Variants in SLC39A8 observed in about 807,000 individuals in gnomAD.
SLC39A8 encodes metal cation symporter ZIP8.
Under a neutral mutation model 40.4 loss-of-function variants are expected in SLC39A8, and 15 were observed. The ratio of observed to expected loss-of-function variants is 0.37; its 90% confidence interval spans 0.25 to 0.57. The LOEUF (loss-of-function observed/expected upper bound fraction) is 0.57, where lower values mean the gene tolerates loss of function less well. Among genes scored for constraint, SLC39A8 ranks in the 20% least tolerant of loss-of-function variants. The pLI is 0.75. For synonymous variants in SLC39A8, 223 were observed against 221.6 expected (o/e 1.01, Z -0.06); for missense variants, 472 against 558.8 (o/e 0.84, Z 1.57).
In SLC39A8 at chr4:102,305,111, C is replaced by T; in HGVS notation, c.553G>A (p.Ala185Thr). 6.2e-7 allele frequency: 1 copy of T among 1,601,124 alleles called. No homozygotes were observed. Reference protein sequence around the residue: ...SNAIFQLIPEAFGFDPKVDSY... With the variant: ...SNAIFQLIPETFGFDPKVDSY... The stretch of plus-strand genomic sequence containing the variant: ...TCGACTTTGGGATCAAATCCAAATG[C>T]CTAAGGGAGAAAAAAGGGCAATTCA... Residue 185 changes from alanine to threonine, a missense_variant and splice_region_variant, in exon 5 of 9, where the codon GCA becomes ACA. Transcript: ENST00000356736.
intron 6 of SLC39A8, among the ~76,000 whole-genome samples, chr4:102,293,959 G>T: frequency 6.6e-6 from 1 of 150,880 alleles, no homozygotes; most frequent in East Asian, 1.9e-4. Context: ...CCAAAATACA[G>T]ATACATTAAT....
intron 8 of SLC39A8, 35 bp downstream of exon 8, chr4:102,267,455 A>T: frequency 1.3e-6 from 2 of 1,544,172 alleles, no homozygotes; most frequent in Non-Finnish European, 1.7e-6. Context: ...TCCAAATTTT[A>T]AATTAAAAGA....
intron 6 of SLC39A8, among the ~76,000 whole-genome samples, chr4:102,276,451 C>G (rs186149666): frequency 2.0e-5 from 3 of 151,902 alleles, no homozygotes; most frequent in Non-Finnish European, 4.4e-5. Context: ...AAGTCGAAAC[C>G]CTGAAAAGGC....
At chr4:102,266,539 T>C (rs937711854) in intron 8 of SLC39A8, among the ~76,000 whole-genome samples, 1 of 152,140 alleles carries the variant, frequency 6.6e-6, no homozygotes, top group Admixed American at 6.6e-5. Context: ...TACCATATTA[T>C]CATTTTATAG....
chr4:102,295,059 C>T (rs184609686), intron 6 of SLC39A8, among the ~76,000 whole-genome samples: 1 of 150,068 alleles, frequency 6.7e-6, no homozygotes, highest in Admixed American at 6.7e-5. Flanking sequence ...TGTGCATACT[C>T]CATGACCCAT....
Position 102,263,130 on chromosome 4 carries a change from A to G in SLC39A8, c.1297T>C (p.Phe433Leu). 6.2e-7 allele frequency: 1 copy of G among 1,613,872 alleles called. No individual in the cohort carries two copies. The highest frequency in any genetic ancestry group is 8.5e-7 in the Non-Finnish European group (1 of 1,179,802). Residue 433 changes from phenylalanine (F) to leucine (L), a missense_variant, in exon 9 of 9, where the codon TTC becomes CTC. By Grantham distance (22) the Phe-to-Leu change is conservative. This residue lies in a region of SLC39A8 where 50 missense variants were observed against 50.5 expected (regional missense o/e 0.99). Coordinates refer to ENST00000356736, the MANE Select transcript of SLC39A8 (RefSeq NM_001135146.2). ...VTGRKTDFTF[F>L]MIQNAGMLTG... Reference sequence around the variant, plus strand: ...AACATTCCAGCATTCTGAATCATGAAGAAGGTGAAATCGGTTTTTCTTCCA... The same window carrying G: ...AACATTCCAGCATTCTGAATCATGAGGAAGGTGAAATCGGTTTTTCTTCCA...
chr4:102,255,765 G>A lies in SLC39A8; in HGVS notation c.*299-2335C>T, dbSNP rs114597693. On this transcript the variant is annotated intron_variant and NMD_transcript_variant, in intron 11 of 11. Coordinates refer to the SLC39A8 transcript ENST00000424970. Reference sequence around the variant, plus strand: ...AAGTGCATTACTCCAAACATATCCAGCAATGATTTTAATACCACTTTCACC... The same window carrying A: ...AAGTGCATTACTCCAAACATATCCAACAATGATTTTAATACCACTTTCACC... Among the ~76,000 whole-genome samples the A allele has an allele frequency of 6.7e-3, 1,022 of 152,274 alleles. 12 individuals carry two copies. The highest frequency in any genetic ancestry group is 0.023 in the African/African-American group (971 of 41,538).
In SLC39A8 at chr4:102,299,788, A is replaced by G. The variant is rs1733837660; in HGVS notation, c.840+4529T>C. Among the ~76,000 whole-genome samples the G allele has an allele frequency of 2.6e-5, 4 of 152,192 alleles. No homozygotes were observed. In the South Asian group the frequency reaches 8.3e-4, roughly 32 times the overall value. ...GGAAATTTCATAAAAAGAGAGACTG[A>G]TGACAGATTGCTGGAGGAACGAGCT... is the stretch of plus-strand genomic sequence containing the variant. On this transcript the variant is annotated intron_variant, in intron 6 of 8. Coordinates refer to ENST00000356736, the MANE Select transcript of SLC39A8 (RefSeq NM_001135146.2).
intron 6 of SLC39A8, among the ~76,000 whole-genome samples, chr4:102,302,759 G>T (rs546546856): frequency 6.6e-6 from 1 of 152,066 alleles, no homozygotes; most frequent in South Asian, 2.1e-4. Context: ...TGCCCCCTAG[G>T]TTATTAGGAA....
rs965762659 is a variant in SLC39A8, at chr4:102,283,454, G to A, written c.841-15375C>T. On this transcript the variant is annotated intron_variant, in intron 6 of 8. Coordinates refer to ENST00000356736, the MANE Select transcript of SLC39A8 (RefSeq NM_001135146.2). ...ATTGCTGTTTGCCAGTCTCCATCCTGGAAGGTGGAGTACCTCCAGGATTCA... is the reference window on the plus strand; with the variant it reads ...ATTGCTGTTTGCCAGTCTCCATCCTAGAAGGTGGAGTACCTCCAGGATTCA... Among the ~76,000 whole-genome samples the A allele has an allele frequency of 2.0e-5, 3 of 152,302 alleles. No homozygotes were observed. In the South Asian group the frequency reaches 6.2e-4, roughly 32 times the overall value.
intron 6 of SLC39A8, among the ~76,000 whole-genome samples, chr4:102,276,315 G>T (rs890349598): frequency 2.6e-5 from 4 of 152,120 alleles, no homozygotes; most frequent in Admixed American, 2.0e-4. Context: ...GATCACCACT[G>T]ATCCACAGGA....
chr4:102,252,002 T>A (rs1731603322), exon 12 of SLC39A8: 1 of 152,262 alleles, frequency 6.6e-6, no homozygotes. Context: ...TCTCTTCCTC[T>A]TGGAGATTGC....
intron 6 of SLC39A8, among the ~76,000 whole-genome samples, chr4:102,271,556 T>TG (rs1466644925): frequency 6.6e-6 from 1 of 152,208 alleles, no homozygotes; most frequent in Non-Finnish European, 1.5e-5. Context: ...CCAAGGCTGA[T>TG]GCTGAGCCCC....
chr4:102,328,313 G>A (rs2149049379), intron 2 of SLC39A8, among the ~76,000 whole-genome samples: 1 of 151,410 alleles, frequency 6.6e-6, no homozygotes, highest in African/African-American at 2.4e-5. Context: ...TAAATACAAT[G>A]GGTGCTTCTC....
Position 102,304,391 on chromosome 4 carries a change from A to T in SLC39A8, c.766T>A (p.Cys256Ser). Reference sequence around the variant, plus strand: ...TCTGTGACAGCAGGATTTGCATAGCATGTCACACCATTGATGGCAGGTAAT... The same window carrying T: ...TCTGTGACAGCAGGATTTGCATAGCTTGTCACACCATTGATGGCAGGTAAT... ...KALPAINGVTCYANPAVTEAN... is the reference protein window; with the variant it reads ...KALPAINGVTSYANPAVTEAN... Residue 256 changes from cysteine to serine, a missense_variant, in exon 6 of 9, where the codon TGC becomes AGC. Cys to Ser is a moderately radical substitution (Grantham distance 112). Around this residue, in one of 4 missense-constraint regions of SLC39A8, gnomAD observed 239 missense variants for 317.9 expected, o/e 0.75. Transcript: ENST00000356736. The T allele has an allele frequency of 6.2e-7, 1 of 1,611,476 alleles. No individual in the cohort carries two copies. Among genetic ancestry groups the T allele is most frequent in the Non-Finnish European group, 8.5e-7 (1 of 1,178,162 alleles).
Position 102,344,798 on chromosome 4 carries a change from G to C in SLC39A8, c.-136C>G, listed in dbSNP as rs1018226591. ...CTCCGAGTCAGAGGTGGCGCGGGAC[G>C]CCCCTGGTTCTCCGACGCCTTCGAA... On this transcript the variant is annotated 5_prime_UTR_variant, in exon 2 of 9. Coordinates refer to ENST00000356736, the MANE Select transcript of SLC39A8 (RefSeq NM_001135146.2). The C allele has an allele frequency of 3.8e-6, 5 of 1,321,810 alleles. No individual in the cohort carries two copies. The highest frequency in any genetic ancestry group is 4.8e-6 in the Non-Finnish European group (5 of 1,040,722). 81.9% of individuals were successfully genotyped at this position (1,321,810 alleles called of 1,614,324 possible).
At chr4:102,308,299 T>C (rs1451531129) in intron 3 of SLC39A8, among the ~76,000 whole-genome samples, 1 of 151,974 alleles carries the variant, frequency 6.6e-6, no homozygotes, top group Non-Finnish European at 1.5e-5. Flanking sequence ...AGACACAAAT[T>C]AGGCAAAAAT....
rs13105581 is a variant in SLC39A8, at chr4:102,307,673, C to T, written c.383-68G>A. 111,254 of 1,483,074 alleles carry T rather than the reference C, an allele frequency of 0.075. 4,866 individuals are homozygous for T. The highest frequency in any genetic ancestry group is 0.15 in the African/African-American group (10,533 of 70,760). The allele number at this position is 1,483,074 out of a possible 1,614,324, so 91.9% of individuals were successfully genotyped here. On this transcript the variant is annotated intron_variant, in intron 3 of 8. Transcript: ENST00000356736. ...AGGAACCAAATGATGTTTTCCTGTA[C>T]ATTAAGCTTAAAAGTGTCTTTAAAA...
chr4:102,323,655 C>G (rs150083095), intron 2 of SLC39A8, among the ~76,000 whole-genome samples: 21 of 152,278 alleles, frequency 1.4e-4, no homozygotes, highest in Admixed American at 9.1e-4. Flanking sequence ...TTTAATCAAC[C>G]ACTTAAATAG....
Sources: gnomAD v4.1 joint callset for allele counts (sites outside exome capture counted in the v4.1 genomes callset) on GRCh38, gnomAD v4.1.1 for gene constraint, gnomAD v4.1.1 regional missense constraint, MANE v1.5 for transcripts, NCBI Gene and HGNC (gene_info 2026-07-23, HGNC 2026-07-21) for gene names.